The following DOCK3 variants were observed in gnomAD, a reference collection of about 807,000 sequenced individuals.
The protein encoded by DOCK3 is dedicator of cytokinesis 3.
Under a neutral mutation model 265.6 loss-of-function variants are expected in DOCK3, and 60 were observed. The ratio of observed to expected loss-of-function variants is 0.23; its 90% CI spans 0.18 to 0.28. The LOEUF is 0.28. DOCK3 is among the 10% of genes least tolerant of loss of function. The pLI is 1.00. For missense variants in DOCK3, 1,981 were observed against 2,594.3 expected, an observed-to-expected ratio of 0.76 and a Z score of 5.14; for synonymous variants, 881 against 938.0, an observed-to-expected ratio of 0.94 and a Z score of 1.11.
At chr3:51,342,432 T>A (rs2085302584) in intron 38 of DOCK3, among the ~76,000 whole-genome samples, 1 of 152,240 alleles carries the variant, frequency 6.6e-6, no homozygotes, top group African/African-American at 2.4e-5. Flanking sequence ...CTCTGGTCCT[T>A]GCTGATCCAG....
In DOCK3 at chr3:51,237,471, T is replaced by TA. The variant is rs11386090; in HGVS notation, c.2002-18dup. The TA allele has an allele frequency of 0.5, 808,893 of 1,607,398 alleles. 218,056 individuals are homozygous for TA. Among genetic ancestry groups the TA allele is most frequent in the Non-Finnish European group, 0.56 (656,050 of 1,175,756 alleles). ...AGGCCTCCAGTGAACCCTGATGGCT[T>TA]ACTCTCCATATCTCCCAGGTGTTCA... is the stretch of plus-strand genomic sequence containing the variant. On this transcript the variant is annotated intron_variant, in intron 20 of 52. Coordinates refer to ENST00000266037, the MANE Select transcript of DOCK3 (RefSeq NM_004947.5).
chr3:50,698,515 TGG>T (rs1491381108), intron 1 of DOCK3, among the ~76,000 whole-genome samples: 1 of 132,108 alleles, frequency 7.6e-6, no homozygotes, highest in East Asian at 2.2e-4. Context: ...TGTATGTTTT[TGG>T]TTTTTTTTTT....
rs543364914 is a variant in DOCK3, at chr3:51,315,261, G to C, written c.3402+133G>C. 1.8e-4 allele frequency: 208 copies of C among 1,181,012 alleles called. No individual in the cohort carries two copies. The African/African-American group carries it at 3.0e-3, about 17-fold the overall frequency. 73.2% of individuals were successfully genotyped at this position (1,181,012 alleles called of 1,614,324 possible). A position where few individuals can be genotyped will look rare whatever the true frequency, so the allele number is the denominator to read the frequency against. On this transcript the variant is annotated intron_variant, in intron 32 of 52. Transcript: ENST00000266037. ...TGGCTAATTTGAATCCTGTTCAAGG[G>C]TTTTCCCTTACTTGCTGGCCAAAAT...
intron 12 of DOCK3, among the ~76,000 whole-genome samples, chr3:51,188,819 C>A (rs1313379313): frequency 4.0e-5 from 1 of 25,056 alleles, no homozygotes; most frequent in African/African-American, 2.8e-4. Flanking sequence ...GTGTGTATCA[C>A]ATTTTCTTTT....
intron 5 of DOCK3, among the ~76,000 whole-genome samples, chr3:51,054,986 G>T (rs2109161583): frequency 6.6e-6 from 1 of 152,170 alleles, no homozygotes. Flanking sequence ...ATTATATGGT[G>T]TTCTTTGTCC....
intron 12 of DOCK3, among the ~76,000 whole-genome samples, chr3:51,164,472 A>C (rs1197632202): frequency 6.6e-6 from 1 of 152,020 alleles, no homozygotes; most frequent in East Asian, 1.9e-4. Flanking sequence ...AATACAAAAA[A>C]ATTAGCCAGC....
intron 22 of DOCK3, among the ~76,000 whole-genome samples, chr3:51,253,198 A>G (rs1239216161): frequency 6.6e-6 from 1 of 152,268 alleles, no homozygotes; most frequent in Non-Finnish European, 1.5e-5. Context: ...CCAGCCTTGC[A>G]TCAAAGGATG....
intron 2 of DOCK3, among the ~76,000 whole-genome samples, chr3:50,813,517 C>T (rs2043885509): frequency 6.6e-6 from 1 of 151,880 alleles, no homozygotes; most frequent in Admixed American, 6.6e-5. Flanking sequence ...CAGAGTGAGA[C>T]CTTGTCTTAA....
At chr3:51,264,527 C>G (rs950942112) in intron 23 of DOCK3, among the ~76,000 whole-genome samples, 1 of 152,036 alleles carries the variant, frequency 6.6e-6, no homozygotes, top group Non-Finnish European at 1.5e-5. Flanking sequence ...CAAAAGCTAA[C>G]AGAAGACAAG....
intron 5 of DOCK3, among the ~76,000 whole-genome samples, chr3:51,057,836 T>C (rs1042614950): frequency 2.6e-5 from 4 of 152,226 alleles, no homozygotes; most frequent in African/African-American, 9.6e-5. Context: ...CATTTCCTTC[T>C]TTGTGCATCT....
intron 39 of DOCK3, among the ~76,000 whole-genome samples, chr3:51,349,376 C>T (rs575134587): frequency 1.0e-3 from 154 of 152,312 alleles, no homozygotes; most frequent in African/African-American, 3.5e-3. Context: ...ATCAAATGCT[C>T]GATGGCTTTG....
chr3:51,205,668 A>C (rs1266190143), intron 12 of DOCK3, among the ~76,000 whole-genome samples: 2 of 152,116 alleles, frequency 1.3e-5, no homozygotes, highest in African/African-American at 2.4e-5. Flanking sequence ...GTACCGCTAC[A>C]CTCCAGCCTG....
intron 5 of DOCK3, among the ~76,000 whole-genome samples, chr3:50,991,905 G>C (rs898127115): frequency 1.3e-5 from 2 of 152,088 alleles, no homozygotes; most frequent in South Asian, 4.1e-4. Flanking sequence ...TTCAATCATA[G>C]TGCAGTAAAA....
At chr3:51,069,524 A>G (rs1027098611) in intron 6 of DOCK3, among the ~76,000 whole-genome samples, 4 of 151,706 alleles carry the variant, frequency 2.6e-5, no homozygotes, top group South Asian at 4.2e-4. Flanking sequence ...CAAATCATAC[A>G]TATGTGTGTG....
At chr3:51,316,305 T>C (rs1334535731) in intron 32 of DOCK3, among the ~76,000 whole-genome samples, 1 of 152,238 alleles carries the variant, frequency 6.6e-6, no homozygotes, top group East Asian at 1.9e-4. Flanking sequence ...AATTAATCCA[T>C]GTCACTGCAT....
At chr3:50,914,632 T>C (rs1386965301) in intron 4 of DOCK3, among the ~76,000 whole-genome samples, 2 of 152,160 alleles carry the variant, frequency 1.3e-5, no homozygotes, top group Non-Finnish European at 1.5e-5. Flanking sequence ...CTGGAGAATG[T>C]TTCATGTGCT....
At chr3:50,843,937 A>G (rs2045961698) in intron 3 of DOCK3, among the ~76,000 whole-genome samples, 1 of 152,224 alleles carries the variant, frequency 6.6e-6, no homozygotes, top group African/African-American at 2.4e-5. Flanking sequence ...CCTTAAAATG[A>G]TACAAAAATA....
At chr3:50,770,150 G>C (rs1292692185) in intron 1 of DOCK3, among the ~76,000 whole-genome samples, 1 of 151,990 alleles carries the variant, frequency 6.6e-6, no homozygotes, top group Non-Finnish European at 1.5e-5. Context: ...TGTTGGAAAG[G>C]GAGAAGTCAA....
intron 51 of DOCK3, among the ~76,000 whole-genome samples, chr3:51,379,220 A>C (rs2088397835): frequency 6.6e-6 from 1 of 152,200 alleles, no homozygotes; most frequent in Non-Finnish European, 1.5e-5. Flanking sequence ...AATACTCTTT[A>C]GACATAAACT....
Sources: gnomAD v4.1 joint callset for allele counts (sites outside exome capture counted in the v4.1 genomes callset) on GRCh38, gnomAD v4.1.1 for gene constraint, MANE v1.5 for transcripts, NCBI Gene and HGNC (gene_info 2026-07-23, HGNC 2026-07-21) for gene names.